PTPRD: variants seen among roughly 807,000 people sequenced by gnomAD.
PTPRD encodes the protein protein tyrosine phosphatase receptor type D, also known as receptor-type tyrosine-protein phosphatase delta.
PTPRD carries 34 observed loss-of-function variants against 214.5 expected under a neutral mutation model. That is an observed-to-expected ratio of 0.16 (90% CI 0.12 to 0.21). The LOEUF (loss-of-function observed/expected upper bound fraction) is 0.21, where lower values mean the gene tolerates loss of function less well. Ranked by LOEUF, PTPRD falls within the 10% of genes least tolerant of loss-of-function variation. The pLI is 1.00. For synonymous variants in PTPRD, 1,128 were observed against 845.7 expected (o/e 1.33, Z -5.79); for missense variants, 2,545 against 2,398.7 (o/e 1.06, Z -1.27).
chr9:8,327,341 G>A (rs1834919401), intron 44 of PTPRD, among the ~76,000 whole-genome samples: 1 of 117,230 alleles, frequency 8.5e-6, no homozygotes, highest in Non-Finnish European at 1.6e-5. Context: ...GTGTGGTTTT[G>A]AGTGGTTTTT....
intron 35 of PTPRD, among the ~76,000 whole-genome samples, chr9:8,414,350 T>C (rs1481940607): frequency 6.6e-6 from 1 of 152,222 alleles, no homozygotes; most frequent in Non-Finnish European, 1.5e-5. Context: ...AATTTTTACA[T>C]ATGTACTTAA....
At chr9:8,952,156 G>C (rs903382516) in intron 11 of PTPRD, among the ~76,000 whole-genome samples, 11 of 151,842 alleles carry the variant, frequency 7.2e-5, no homozygotes, top group Non-Finnish European at 1.5e-4. Flanking sequence ...GTTTCATGAG[G>C]GCAGGGACTT....
At chr9:10,587,325 T>C (rs2132685272) in intron 2 of PTPRD, among the ~76,000 whole-genome samples, 1 of 152,230 alleles carries the variant, frequency 6.6e-6, no homozygotes, top group Middle Eastern at 3.4e-3. Flanking sequence ...TAAAATTAAA[T>C]TCATTAACAA....
At position 9,595,288 on chromosome 9, in the gene PTPRD, T is replaced by TA. The variant is rs2093187007; in HGVS notation, c.-286-20508_-286-20507insT. Among the ~76,000 whole-genome samples, 2 of 123,616 alleles carry TA rather than the reference T, an allele frequency of 1.6e-5. 1 individual carries two copies. The highest frequency in any genetic ancestry group is 6.0e-5 in the African/African-American group (2 of 33,424). The allele number at this position is 123,616 out of a possible 152,430, so 81.1% of individuals were successfully genotyped here. On this transcript the variant is annotated intron_variant, in intron 7 of 45. Coordinates refer to ENST00000381196, the MANE Select transcript of PTPRD (RefSeq NM_002839.4). ...TTATATGAAAAGGATTATATATATA[T>TA]TATATATATATATATATATATATTA...
At chr9:9,849,122 A>T (rs530597592) in intron 5 of PTPRD, among the ~76,000 whole-genome samples, 1 of 152,030 alleles carries the variant, frequency 6.6e-6, no homozygotes, top group East Asian at 1.9e-4. Flanking sequence ...CTTAAAAAAT[A>T]AAGTTGTTGA....
chr9:8,385,055 T>C (rs1267931368), intron 37 of PTPRD, among the ~76,000 whole-genome samples: 2 of 152,208 alleles, frequency 1.3e-5, no homozygotes, highest in South Asian at 2.1e-4. Context: ...TTCACACTTA[T>C]AAGGGTTTCT....
At chr9:8,400,682 G>C (rs1041951127) in intron 36 of PTPRD, among the ~76,000 whole-genome samples, 9 of 152,180 alleles carry the variant, frequency 5.9e-5, no homozygotes, top group Non-Finnish European at 1.3e-4. Flanking sequence ...CCCAGACCAG[G>C]AATCAGAAGA....
chr9:8,767,387 G>C (rs2094839428), intron 11 of PTPRD, among the ~76,000 whole-genome samples: 1 of 152,098 alleles, frequency 6.6e-6, no homozygotes, highest in Non-Finnish European at 1.5e-5. Flanking sequence ...AAAGTGCTGG[G>C]ATTACAGGTT....
At chr9:8,739,864 C>G (rs73431632) in intron 11 of PTPRD, among the ~76,000 whole-genome samples, 7 of 152,054 alleles carry the variant, frequency 4.6e-5, no homozygotes, top group Admixed American at 4.6e-4. Flanking sequence ...CTGATGATTA[C>G]GTAAGGGGGA....
Position 8,606,397 on chromosome 9 carries a change from C to T in PTPRD, c.352+26920G>A, listed in dbSNP as rs554495786. Among the ~76,000 whole-genome samples the T allele has an allele frequency of 3.3e-5, 5 of 152,284 alleles. No homozygotes were observed. In the South Asian group the frequency reaches 6.2e-4, roughly 19 times the overall value. On this transcript the variant is annotated intron_variant, in intron 14 of 45. Transcript: ENST00000381196. The stretch of plus-strand genomic sequence containing the variant: ...AGGAAAATCAATTACCTGTGAATAG[C>T]ATCTTACAGGGGCCTCTCAACCTAA...
chr9:9,074,921 C>T (rs905481617), intron 10 of PTPRD, among the ~76,000 whole-genome samples: 4 of 150,420 alleles, frequency 2.7e-5, no homozygotes, highest in African/African-American at 7.3e-5. Flanking sequence ...AAAAAAAAGT[C>T]CTATATTATC....
At chr9:9,509,143 G>A (rs929355665) in intron 8 of PTPRD, among the ~76,000 whole-genome samples, 3 of 151,612 alleles carry the variant, frequency 2.0e-5, no homozygotes, top group African/African-American at 7.3e-5. Context: ...ATTATGGGGA[G>A]CAATACATGG....
chr9:10,297,776 G>C (rs611275), intron 3 of PTPRD, among the ~76,000 whole-genome samples: 15,851 of 152,058 alleles, frequency 0.1, 922 homozygotes, highest in South Asian at 0.21. Flanking sequence ...ACAGCTACTG[G>C]AAAATGACAG....
chr9:8,342,185 ATTAGT>A (rs1354696659), intron 39 of PTPRD, among the ~76,000 whole-genome samples: 2 of 152,082 alleles, frequency 1.3e-5, no homozygotes, highest in African/African-American at 4.8e-5. Flanking sequence ...ACTGAGTAAA[ATTAGT>A]TTAGTTTTAA....
At chr9:8,450,943 A>G (rs902388768) in intron 33 of PTPRD, among the ~76,000 whole-genome samples, 7 of 151,890 alleles carry the variant, frequency 4.6e-5, no homozygotes, top group East Asian at 1.9e-4. Flanking sequence ...TGTGGGGGGG[A>G]AAAGGTGCTG....
intron 4 of PTPRD, among the ~76,000 whole-genome samples, chr9:9,955,773 C>T (rs1369451532): frequency 6.6e-6 from 1 of 152,112 alleles, no homozygotes; most frequent in Non-Finnish European, 1.5e-5. Context: ...TAGCCCGCCT[C>T]GGCCTCCCAA....
intron 39 of PTPRD, among the ~76,000 whole-genome samples, chr9:8,350,163 A>T (rs2075051632): frequency 6.6e-6 from 1 of 152,182 alleles, no homozygotes; most frequent in African/African-American, 2.4e-5. Flanking sequence ...AGTAATGTGC[A>T]AAAAGAAAAA....
chr9:10,311,460 T>A (rs1301228894), intron 3 of PTPRD, among the ~76,000 whole-genome samples: 2 of 152,028 alleles, frequency 1.3e-5, no homozygotes, highest in African/African-American at 4.8e-5. Flanking sequence ...AGAATCCTCA[T>A]CTTATTTTGA....
At chr9:9,238,156 ACC>A (rs2099968167) in intron 9 of PTPRD, among the ~76,000 whole-genome samples, 1 of 151,610 alleles carries the variant, frequency 6.6e-6, no homozygotes, top group African/African-American at 2.4e-5. Context: ...GGCACTATTG[ACC>A]CCCTTTGGGA....
Sources: gnomAD v4.1 joint callset for allele counts (sites outside exome capture counted in the v4.1 genomes callset) on GRCh38, gnomAD v4.1.1 for gene constraint, MANE v1.5 for transcripts, NCBI Gene and HGNC (gene_info 2026-07-23, HGNC 2026-07-21) for gene names.